Variants in NWD1 observed in about 807,000 individuals in gnomAD.
NWD1 encodes the protein NACHT domain- and WD repeat-containing protein 1.
In NWD1, 129 loss-of-function variants were observed where a neutral mutation model predicts 135.1. That is an observed-to-expected ratio of 0.96 (90% CI 0.83 to 1.11). The LOEUF is 1.11. NWD1 is among the 50% of genes least tolerant of loss of function. NWD1 has a pLI of 0.00. For synonymous variants in NWD1, 773 were observed against 786.0 expected (o/e 0.98, Z 0.28); for missense variants, 1,740 against 1,851.3 (o/e 0.94, Z 1.10).
At chr19:16,776,927 G>A (rs1203984817) in intron 11 of NWD1, among the ~76,000 whole-genome samples, 1 of 128,690 alleles carries the variant, frequency 7.8e-6, no homozygotes, top group African/African-American at 3.3e-5. Flanking sequence ...GGGTGATAGA[G>A]TGAGACCCTA....
chr19:16,755,687 CTTAT>C (rs60291508), intron 6 of NWD1, among the ~76,000 whole-genome samples: 63,416 of 147,916 alleles, frequency 0.43, 15,064 homozygotes, highest in African/African-American at 0.65. Context: ...CACATCCAGC[CTTAT>C]TTATTTATTT....
chr19:16,733,481 A>T (rs971164548), intron 3 of NWD1, among the ~76,000 whole-genome samples: 1 of 150,496 alleles, frequency 6.6e-6, no homozygotes, highest in Non-Finnish European at 1.5e-5. Context: ...AGATAACGCC[A>T]CTGCACTCCA....
rs1282099190 is a variant in NWD1, at chr19:16,794,509, T to C, written c.3260T>C (p.Val1087Ala). Residue 1087 changes from valine (V) to alanine (A), a missense_variant, in exon 15 of 19, where the codon GTG (valine) becomes GCG (alanine). By Grantham distance (64) the Val-to-Ala change is moderately conservative. Coordinates refer to ENST00000524140, the MANE Select transcript of NWD1 (RefSeq NM_001007525.5). ...TTGCTGGAGAAGCTTCCAGATGCTG[T>C]GAGGTTCCTGGTGGTCTCTGAAGAT... ...DRLLEKLPDA[V>A]RFLVVSEDES... 13 of 1,611,750 alleles carry C rather than the reference T, an allele frequency of 8.1e-6. No individual in the cohort carries two copies. The highest frequency in any genetic ancestry group is 1.0e-5 in the Non-Finnish European group (12 of 1,178,814).
At chr19:16,734,363 A>G (rs1466148372) in intron 3 of NWD1, among the ~76,000 whole-genome samples, 2 of 151,882 alleles carry the variant, frequency 1.3e-5, no homozygotes, top group African/African-American at 2.4e-5. Context: ...CCTGGCTAAC[A>G]CGGTGAAACC....
At position 16,722,311 on chromosome 19, in the gene NWD1, G is replaced by A. The variant is rs539604773; in HGVS notation, c.-105+2018G>A. 8.4e-4 allele frequency among the ~76,000 whole-genome samples: 124 copies of A among 147,680 alleles called. 1 individual carries two copies. Among genetic ancestry groups the A allele is most frequent in the Middle Eastern group, 7.0e-3 (2 of 286 alleles). ...AAGACTTGACTTTTTTTTTTTTTGA[G>A]ACGGTCTTGCTCTGTCACCCAGGAT... is the stretch of plus-strand genomic sequence containing the variant. On this transcript the variant is annotated intron_variant, in intron 1 of 18. Transcript: ENST00000524140.
intron 18 of NWD1, chr19:16,812,780 C>T (rs888035548): frequency 3.8e-6 from 3 of 781,096 alleles, no homozygotes; most frequent in Non-Finnish European, 7.2e-6. Flanking sequence ...GTGCTTGCTT[C>T]TCCAAGGATG....
chr19:16,743,213 A>G (rs2122766171), intron 4 of NWD1, among the ~76,000 whole-genome samples: 1 of 139,092 alleles, frequency 7.2e-6, no homozygotes, highest in South Asian at 2.3e-4. Flanking sequence ...GCCTGGCCCC[A>G]TTATTTGTTT....
rs774310950 is a variant in NWD1 at position 16,797,756 on chromosome 19, T to A, written c.3329T>A (p.Phe1110Tyr). ...AAGFGRSVRI[F>Y]LADSRGFRRF... ...GGCTTTGGAAGATCGGTGCGGATAT[T>A]CTTGGCGGACTCGAGGGGCTTTCGC... The change falls in exon 16 of 19, where the codon TTC becomes TAC. Residue 1110 changes from phenylalanine to tyrosine, a missense_variant. Physicochemically the swap from Phe to Tyr is conservative, Grantham distance 22 (BLOSUM62 3). Transcript: ENST00000524140. 10 of 1,614,094 alleles carry A rather than the reference T, an allele frequency of 6.2e-6. No individual in the cohort carries two copies. In the South Asian group the frequency reaches 1.1e-4, roughly 18 times the overall value.
In NWD1 at chr19:16,749,912, G is replaced by T; in HGVS notation, c.1270G>T (p.Val424Phe). Residue 424 changes from valine (V) to phenylalanine (F), a missense_variant, in exon 6 of 19, where the codon GTC (valine) becomes TTC (phenylalanine). Transcript: ENST00000524140. The part of the protein sequence containing the change: ...VQFFHTLLHT[V>F]SCRNFESLVL... ...GTTTTTCCATACCCTCCTCCACACT[G>T]TCTCTTGCAGAAACTTCGAGTCTCT... The T allele has an allele frequency of 6.2e-7, 1 of 1,613,588 alleles. No individual in the cohort carries two copies. Among genetic ancestry groups the T allele is most frequent in the Non-Finnish European group, 8.5e-7 (1 of 1,180,024 alleles).
chr19:16,783,316 T>A (rs942173286), intron 12 of NWD1, among the ~76,000 whole-genome samples: 3 of 151,606 alleles, frequency 2.0e-5, no homozygotes, highest in African/African-American at 7.3e-5. Context: ...ATTACAGGCA[T>A]AAGCCACTGT....
chr19:16,813,766 C>A (rs1359653242), intron 18 of NWD1, among the ~76,000 whole-genome samples: 1 of 151,972 alleles, frequency 6.6e-6, no homozygotes, highest in African/African-American at 2.4e-5. Context: ...TGTGAGCCAC[C>A]ATTCCTGGCC....
chr19:16,791,317 C>T, intron 13 of NWD1, 33 bp from the exon 14 acceptor site: 1 of 1,600,398 alleles, frequency 6.2e-7, no homozygotes, highest in Non-Finnish European at 8.5e-7. Context: ...GGTCTCCTGC[C>T]AAGATGCTGC....
At chr19:16,769,139 G>A (rs1317406066) in intron 10 of NWD1, among the ~76,000 whole-genome samples, 2 of 152,106 alleles carry the variant, frequency 1.3e-5, no homozygotes, top group Admixed American at 6.6e-5. Context: ...CAAGAGACAG[G>A]GAACAAAAGC....
chr19:16,744,869 G>A, intron 5 of NWD1, 151 bp downstream of exon 5: 2 of 696,216 alleles, frequency 2.9e-6, no homozygotes, highest in Non-Finnish European at 5.1e-6. Context: ...GAGAAAGGCT[G>A]TTTTACTGAT....
At chr19:16,761,560 A>C (rs1969013876) in intron 7 of NWD1, among the ~76,000 whole-genome samples, 1 of 151,702 alleles carries the variant, frequency 6.6e-6, no homozygotes, top group Non-Finnish European at 1.5e-5. Flanking sequence ...ACAGGGTTTC[A>C]CCACGTTGGC....
At chr19:16,795,279 G>T (rs967839397) in intron 15 of NWD1, among the ~76,000 whole-genome samples, 1 of 152,224 alleles carries the variant, frequency 6.6e-6, no homozygotes, top group South Asian at 2.1e-4. Context: ...GGTCCAGCTG[G>T]CTGCTTCAAG....
intron 12 of NWD1, among the ~76,000 whole-genome samples, chr19:16,788,397 G>A (rs560063122): frequency 2.0e-4 from 30 of 150,174 alleles, no homozygotes; most frequent in South Asian, 6.4e-4. Flanking sequence ...AGTCAAACCC[G>A]TCTCCACTAA....
At chr19:16,801,710 T>G (rs939365387) in intron 17 of NWD1, 25 of 152,340 alleles carry the variant, frequency 1.6e-4, no homozygotes, top group African/African-American at 5.8e-4. Context: ...AACAAGACCC[T>G]GTTTGAAAAC....
At chr19:16,785,377 G>A (rs1970002255) in intron 12 of NWD1, among the ~76,000 whole-genome samples, 1 of 151,876 alleles carries the variant, frequency 6.6e-6, no homozygotes, top group African/African-American at 2.4e-5. Flanking sequence ...TGGGCATGGT[G>A]GCGCATGTCT....
Sources: allele counts gnomAD v4.1 joint callset (sites outside exome capture counted in the v4.1 genomes callset), GRCh38; gene constraint gnomAD v4.1.1; transcripts MANE v1.5; gene names NCBI Gene and HGNC (gene_info 2026-07-23, HGNC 2026-07-21).